Variants in TAFA1 observed in about 807,000 individuals in gnomAD.
TAFA1 encodes TAFA chemokine like family member 1.
In TAFA1, 4 loss-of-function variants were observed where a neutral mutation model predicts 18.5. That is an observed-to-expected ratio of 0.22 (90% CI 0.11 to 0.49). The LOEUF (loss-of-function observed/expected upper bound fraction) is 0.49, where lower values mean the gene tolerates loss of function less well. TAFA1 is among the 20% of genes least tolerant of loss of function. The pLI, the probability that TAFA1 is intolerant of heterozygous loss-of-function variation, is 0.98. For missense variants in TAFA1, 147 were observed against 169.0 expected (o/e 0.87, Z 0.72); for synonymous variants, 56 against 55.2 (o/e 1.01, Z -0.06).
At chr3:68,195,301 C>T (rs912780227) in intron 2 of TAFA1, among the ~76,000 whole-genome samples, 2 of 148,844 alleles carry the variant, frequency 1.3e-5, no homozygotes, top group African/African-American at 5.0e-5. Flanking sequence ...CAACATAAGG[C>T]TTCTTGTGCC....
At chr3:68,219,929 A>T (rs2066709428) in intron 2 of TAFA1, among the ~76,000 whole-genome samples, 1 of 152,192 alleles carries the variant, frequency 6.6e-6, no homozygotes, top group South Asian at 2.1e-4. Flanking sequence ...AGAAAAAAAT[A>T]GGAGACCTTA....
At chr3:68,402,171 G>A (rs563551146) in intron 2 of TAFA1, among the ~76,000 whole-genome samples, 2 of 152,136 alleles carry the variant, frequency 1.3e-5, no homozygotes, top group East Asian at 1.9e-4. Flanking sequence ...GAGGATTTCC[G>A]GTATAACTAA....
intron 2 of TAFA1, among the ~76,000 whole-genome samples, chr3:68,211,245 A>G (rs1559560091): frequency 6.6e-6 from 1 of 152,072 alleles, no homozygotes; most frequent in Non-Finnish European, 1.5e-5. Flanking sequence ...CCAGGTGGCA[A>G]TAATCACTGG....
At chr3:68,064,549 A>T (rs2064648071) in intron 2 of TAFA1, among the ~76,000 whole-genome samples, 1 of 152,196 alleles carries the variant, frequency 6.6e-6, no homozygotes, top group African/African-American at 2.4e-5. Context: ...AAACTTAGAA[A>T]TGCTTAACAT....
Position 68,228,800 on chromosome 3 carries a change from T to C in TAFA1, c.119-188480T>C, listed in dbSNP as rs1388497. Among the ~76,000 whole-genome samples, 1,022 of 152,330 alleles carry C rather than the reference T, an allele frequency of 6.7e-3. 14 individuals are homozygous for C. Among genetic ancestry groups the C allele is most frequent in the African/African-American group, 0.023 (965 of 41,574 alleles). Reference sequence around the variant, plus strand: ...TGGAATAAAACCACATCTCATCTGGTGTTGAACTTGCAAGTGAAACAGATG... The same window carrying C: ...TGGAATAAAACCACATCTCATCTGGCGTTGAACTTGCAAGTGAAACAGATG... On this transcript the variant is annotated intron_variant, in intron 2 of 4. Coordinates refer to ENST00000478136, the MANE Select transcript of TAFA1 (RefSeq NM_213609.4).
chr3:68,359,525 T>C (rs566220238), intron 2 of TAFA1, among the ~76,000 whole-genome samples: 1 of 152,096 alleles, frequency 6.6e-6, no homozygotes, highest in African/African-American at 2.4e-5. Flanking sequence ...TTACTGGATT[T>C]GAAGATCAAG....
In TAFA1 at chr3:68,090,660, G is replaced by A. The variant is rs576166658; in HGVS notation, c.118+83916G>A. 2.0e-5 allele frequency among the ~76,000 whole-genome samples: 3 copies of A among 152,226 alleles called. 1 individual carries two copies. The South Asian group carries it at 6.2e-4, about 32-fold the overall frequency. On this transcript the variant is annotated intron_variant, in intron 2 of 4. Transcript: ENST00000478136. ...TCCTTTGTGACTATAACCTCAGAGG[G>A]CAAAAATTATACCTGCTATTTACTA... is the stretch of plus-strand genomic sequence containing the variant.
In TAFA1 at chr3:68,319,188, G is replaced by A. The variant is rs80089918; in HGVS notation, c.119-98092G>A. Among the ~76,000 whole-genome samples, 724 of 152,268 alleles carry A rather than the reference G, an allele frequency of 4.8e-3. 4 individuals are homozygous for A. Among genetic ancestry groups the A allele is most frequent in the African/African-American group, 0.016 (670 of 41,548 alleles). ...ATCCTTGGATATTACTTCTACACTA[G>A]TAGAATACAGTTCAGTGTGTGTGAT... On this transcript the variant is annotated intron_variant, in intron 2 of 4. Coordinates refer to ENST00000478136, the MANE Select transcript of TAFA1 (RefSeq NM_213609.4).
intron 2 of TAFA1, among the ~76,000 whole-genome samples, chr3:68,087,969 C>A (rs1369850168): frequency 6.6e-6 from 1 of 152,124 alleles, no homozygotes; most frequent in Non-Finnish European, 1.5e-5. Context: ...TCTGGGACTA[C>A]AACCATGTTA....
intron 2 of TAFA1, among the ~76,000 whole-genome samples, chr3:68,381,126 T>C (rs955548758): frequency 5.6e-5 from 6 of 107,808 alleles, no homozygotes; most frequent in African/African-American, 2.2e-4. Flanking sequence ...TCCATTGGTC[T>C]ATATCTCTGT....
intron 2 of TAFA1, among the ~76,000 whole-genome samples, chr3:68,371,118 A>G (rs1262827440): frequency 6.6e-6 from 1 of 152,092 alleles, no homozygotes; most frequent in East Asian, 1.9e-4. Context: ...CATTGATGCA[A>G]TGTAAATAAG....
intron 2 of TAFA1, among the ~76,000 whole-genome samples, chr3:68,286,584 A>G (rs1035476776): frequency 6.6e-6 from 1 of 152,156 alleles, no homozygotes; most frequent in Non-Finnish European, 1.5e-5. Context: ...TGAGAGGAGG[A>G]AAAACACCCA....
intron 3 of TAFA1, among the ~76,000 whole-genome samples, chr3:68,518,014 A>G (rs1474374761): frequency 6.6e-6 from 1 of 152,154 alleles, no homozygotes; most frequent in Non-Finnish European, 1.5e-5. Flanking sequence ...ACAACATTCT[A>G]ACTCATACCT....
chr3:68,141,575 C>T (rs2065667622), intron 2 of TAFA1, among the ~76,000 whole-genome samples: 1 of 152,144 alleles, frequency 6.6e-6, no homozygotes, highest in Admixed American at 6.6e-5. Flanking sequence ...ATGACCTAGG[C>T]CTGATCAAAT....
chr3:68,534,880 G>T (rs1054991172), intron 3 of TAFA1, among the ~76,000 whole-genome samples: 2 of 151,800 alleles, frequency 1.3e-5, no homozygotes, highest in Non-Finnish European at 2.9e-5. Context: ...TTAGAAGGAG[G>T]CAACACCAAA....
chr3:68,480,880 C>G (rs2072222265), intron 3 of TAFA1, among the ~76,000 whole-genome samples: 3 of 152,030 alleles, frequency 2.0e-5, no homozygotes, highest in South Asian at 2.1e-4. Flanking sequence ...GGGGCAGTTT[C>G]CCTCATACTG....
At chr3:68,413,849 G>A (rs966596773) in intron 2 of TAFA1, among the ~76,000 whole-genome samples, 1 of 152,028 alleles carries the variant, frequency 6.6e-6, no homozygotes, top group Non-Finnish European at 1.5e-5. Context: ...CTGATTAAGT[G>A]ACATTTGAGC....
chr3:68,042,474 G>A (rs1288500480), intron 2 of TAFA1, among the ~76,000 whole-genome samples: 2 of 152,094 alleles, frequency 1.3e-5, no homozygotes, highest in Non-Finnish European at 2.9e-5. Context: ...ACATGGTGTA[G>A]CCCTGTCTCT....
At chr3:68,121,300 A>G (rs1453440355) in intron 2 of TAFA1, among the ~76,000 whole-genome samples, 18 of 150,790 alleles carry the variant, frequency 1.2e-4, no homozygotes. Flanking sequence ...TATACTATGT[A>G]TATACTCCTA....
Sources: gnomAD v4.1 joint callset for allele counts (sites outside exome capture counted in the v4.1 genomes callset) on GRCh38, gnomAD v4.1.1 for gene constraint, MANE v1.5 for transcripts, NCBI Gene and HGNC (gene_info 2026-07-23, HGNC 2026-07-21) for gene names.